Variants in ERMP1 observed in about 807,000 individuals in gnomAD.
ERMP1 encodes Felix-ina.
Under a neutral mutation model 92.0 loss-of-function variants are expected in ERMP1, and 86 were observed. The observed-to-expected ratio is 0.93, with a 90% CI of 0.79 to 1.12. The LOEUF is 1.12. ERMP1 is among the 50% of genes most tolerant of loss of function. The pLI, the probability that ERMP1 is intolerant of heterozygous loss-of-function variation, is 0.00. For synonymous variants in ERMP1, 530 were observed against 412.8 expected, an observed-to-expected ratio of 1.28 and a Z score of -3.44; for missense variants, 1,342 against 1,116.3, an observed-to-expected ratio of 1.20 and a Z score of -2.88.
At chr9:5,860,441 C>G (rs1382555837) in intron 5 of ERMP1, among the ~76,000 whole-genome samples, 1 of 152,070 alleles carries the variant, frequency 6.6e-6, no homozygotes, top group Non-Finnish European at 1.5e-5. Context: ...GTCTGGCCAG[C>G]TGTACATTAA....
In ERMP1 at chr9:5,787,040, C is replaced by T; in HGVS notation, c.*104G>A. ...CCAGAAAGCTCTTTGAACATATGAT[C>T]ATTAAAATTCATTGACTTACGTTAC... On this transcript the variant is annotated 3_prime_UTR_variant, in exon 15 of 15. Transcript: ENST00000339450. 1 of 1,167,990 alleles carries T rather than the reference C, an allele frequency of 8.6e-7. No individual in the cohort carries two copies. Among genetic ancestry groups the T allele is most frequent in the Non-Finnish European group, 1.2e-6 (1 of 830,964 alleles). 72.4% of individuals were successfully genotyped at this position (1,167,990 alleles called of 1,614,324 possible).
chr9:5,787,433 C>A lies in ERMP1; in HGVS notation c.2547G>T (p.Val849=). The A allele has an allele frequency of 1.2e-6, 2 of 1,611,844 alleles. No homozygotes were observed. The highest frequency in any genetic ancestry group is 1.7e-6 in the Non-Finnish European group (2 of 1,179,296). Residue 849 remains valine (V), a synonymous_variant, in exon 14 of 15, where the codon GTG becomes GTT. Coordinates refer to ENST00000339450, the MANE Select transcript of ERMP1 (RefSeq NM_024896.3). The part of the protein sequence containing the change: ...QASAWQFWIE[V]QVSEEHPEGM... ...AACAATGCTGGGAAATTGGCACCTG[C>A]ACTTCTATCCAGAACTGCCATGCAG...
At chr9:5,834,971 A>AGATG (rs368596386), upstream of ERMP1, among the ~76,000 whole-genome samples, 12,615 of 125,922 alleles carry the variant, frequency 0.1, 826 homozygotes, top group Non-Finnish European at 0.14. Context: ...ATAGATGGAT[A>AGATG]GATAGATGTG....
intron 4 of ERMP1, among the ~76,000 whole-genome samples, chr9:5,815,701 T>A (rs1829277565): frequency 6.6e-6 from 1 of 152,058 alleles, no homozygotes. Flanking sequence ...CTAAAGTATC[T>A]ATCACTAAGG....
At chr9:5,827,177 G>A (rs1283597099) in intron 2 of ERMP1, among the ~76,000 whole-genome samples, 2 of 152,076 alleles carry the variant, frequency 1.3e-5, no homozygotes, top group African/African-American at 2.4e-5. Flanking sequence ...ATACACAGAT[G>A]AGAACTTAAA....
Position 5,833,001 on chromosome 9 carries a change from AG to A in ERMP1, c.26del (p.Ala9ValfsTer2). MEWGSESA[A>X]VRRHRVGVER... The stretch of plus-strand genomic sequence containing the variant: ...CTACTCCGACGCGGTGCCGCCTCAC[AG>A]CAGCCGACTCAGAACCCCACTCCAT... On this transcript the variant is annotated frameshift_variant, in exon 1 of 15. Coordinates refer to ENST00000339450, the MANE Select transcript of ERMP1 (RefSeq NM_024896.3). LOFTEE classifies it high-confidence loss of function. 6.4e-7 allele frequency: 1 copy of A among 1,557,200 alleles called. No individual in the cohort carries two copies. Among genetic ancestry groups the A allele is most frequent in the Non-Finnish European group, 8.6e-7 (1 of 1,162,562 alleles).
chr9:5,838,107 AG>A (rs749860463), upstream of ERMP1, among the ~76,000 whole-genome samples: 2 of 152,190 alleles, frequency 1.3e-5, no homozygotes, highest in Admixed American at 6.5e-5. Flanking sequence ...CCAAAAAAAA[AG>A]AAAAAAGCTA....
At chr9:5,828,288 A>ACTAAT (rs1014948026) in intron 2 of ERMP1, among the ~76,000 whole-genome samples, 4 of 152,250 alleles carry the variant, frequency 2.6e-5, no homozygotes, top group Admixed American at 2.6e-4. Context: ...ACTTTGACAT[A>ACTAAT]CGGATTATTT....
At chr9:5,830,149 A>T (rs1327396791) in intron 2 of ERMP1, among the ~76,000 whole-genome samples, 2 of 152,220 alleles carry the variant, frequency 1.3e-5, no homozygotes, top group Non-Finnish European at 2.9e-5. Context: ...GACAGCTTTG[A>T]ATGCAGCCCA....
intron 12 of ERMP1, 76 bp from the exon 13 acceptor site, chr9:5,798,008 C>T (rs1238272086): frequency 5.8e-6 from 5 of 859,952 alleles, no homozygotes; most frequent in Non-Finnish European, 9.7e-6. Context: ...AACTGTTCAG[C>T]ATATATGAAC....
At chr9:5,828,324 G>C (rs1829805458) in intron 2 of ERMP1, among the ~76,000 whole-genome samples, 1 of 152,116 alleles carries the variant, frequency 6.6e-6, no homozygotes, top group Non-Finnish European at 1.5e-5. Flanking sequence ...TGAGAAGCAG[G>C]TACTATACAA....
intron 4 of ERMP1, among the ~76,000 whole-genome samples, chr9:5,817,314 C>G (rs1178376006): frequency 6.6e-6 from 1 of 152,148 alleles, no homozygotes; most frequent in East Asian, 1.9e-4. Flanking sequence ...CTCAGCCTCC[C>G]AAGTAGCTGG....
intron 4 of ERMP1, among the ~76,000 whole-genome samples, chr9:5,821,064 G>T (rs1209669303): frequency 6.6e-6 from 1 of 152,098 alleles, no homozygotes; most frequent in Non-Finnish European, 1.5e-5. Context: ...CAAATCTTTT[G>T]TATGACACCC....
Position 5,784,796 on chromosome 9 carries a change from C to A in ERMP1, c.*2348G>T, listed in dbSNP as rs1267871975. ...CTTCATGCGACAATCATTCTTAGGT[C>A]AAACACAAGAACGAACTATTTTGAA... On this transcript the variant is annotated 3_prime_UTR_variant, in exon 15 of 15. Transcript: ENST00000339450. The A allele has an allele frequency of 6.7e-6, 1 of 149,306 alleles. No homozygotes were observed. Among genetic ancestry groups the A allele is most frequent in the Non-Finnish European group, 1.5e-5 (1 of 67,804 alleles). The allele number at this position is 149,306 out of a possible 1,614,324, so 9.2% of individuals were successfully genotyped here.
At chr9:5,798,071 C>T in intron 12 of ERMP1, 139 bp from the exon 13 acceptor site, 1 of 656,870 alleles carries the variant, frequency 1.5e-6, no homozygotes. Context: ...ATGCCAACTC[C>T]AACAAATTTA....
intron 6 of ERMP1, among the ~76,000 whole-genome samples, chr9:5,847,670 C>T (rs375887711): frequency 1.7e-4 from 26 of 152,156 alleles, no homozygotes; most frequent in African/African-American, 5.8e-4. Context: ...CCAAGGCGGG[C>T]GGATCATGAG....
At chr9:5,838,665 CTT>C (rs1491462596) in intron 6 of ERMP1, among the ~76,000 whole-genome samples, 1 of 151,850 alleles carries the variant, frequency 6.6e-6, no homozygotes, top group African/African-American at 2.4e-5. Context: ...ATGGAAATGA[CTT>C]AAGCATATAA....
At chr9:5,835,350 ACG>A (rs57732063), upstream of ERMP1, among the ~76,000 whole-genome samples, 4 of 150,354 alleles carry the variant, frequency 2.7e-5, no homozygotes, top group East Asian at 2.0e-4. Flanking sequence ...GAGACAATGA[ACG>A]CGCGCGCGCA....
chr9:5,818,885 A>G (rs772035821), intron 4 of ERMP1, among the ~76,000 whole-genome samples: 3 of 152,230 alleles, frequency 2.0e-5, no homozygotes, highest in Non-Finnish European at 4.4e-5. Flanking sequence ...AGTGTATGAA[A>G]ATGACTGCTT....
Sources: allele counts gnomAD v4.1 joint callset (sites outside exome capture counted in the v4.1 genomes callset), GRCh38; gene constraint gnomAD v4.1.1; transcripts MANE v1.5; gene names NCBI Gene and HGNC (gene_info 2026-07-23, HGNC 2026-07-21).